ETNK1: variants seen among roughly 807,000 people sequenced by gnomAD.
ETNK1 encodes putative protein product of Nbla10396.
Under a neutral mutation model 45.1 loss-of-function variants are expected in ETNK1, and 8 were observed. That is an observed-to-expected ratio of 0.18 (90% CI 0.10 to 0.32). The LOEUF (loss-of-function observed/expected upper bound fraction) is 0.32, where lower values mean the gene tolerates loss of function less well. Ranked by LOEUF, ETNK1 falls within the 10% of genes least tolerant of loss-of-function variation. ETNK1 has a pLI of 1.00. For missense variants in ETNK1, 302 were observed against 430.6 expected, an observed-to-expected ratio of 0.70 and a Z score of 2.64; for synonymous variants, 152 against 151.9, an observed-to-expected ratio of 1.00 and a Z score of -0.01.
intron 2 of ETNK1, among the ~76,000 whole-genome samples, chr12:22,651,062 A>G (rs1247922736): frequency 6.6e-6 from 1 of 152,190 alleles, no homozygotes; most frequent in African/African-American, 2.4e-5. Flanking sequence ...GAAAGAGAAG[A>G]GCTCTCTGTG....
At chr12:22,655,413 T>A (rs1953928439) in intron 2 of ETNK1, among the ~76,000 whole-genome samples, 1 of 144,184 alleles carries the variant, frequency 6.9e-6, no homozygotes, top group Non-Finnish European at 1.5e-5. Context: ...ATCAGCTCAC[T>A]GCAACCTCCG....
At chr12:22,644,783 TGAAAG>T (rs1049662452) in intron 2 of ETNK1, among the ~76,000 whole-genome samples, 2 of 151,958 alleles carry the variant, frequency 1.3e-5, no homozygotes, top group African/African-American at 4.8e-5. Flanking sequence ...TATAACCTCT[TGAAAG>T]GTACACTGTA....
chr12:22,640,458 G>A (rs564983673), intron 1 of ETNK1, among the ~76,000 whole-genome samples: 48 of 148,252 alleles, frequency 3.2e-4, no homozygotes, highest in Admixed American at 4.1e-4. Flanking sequence ...TTAACATTTA[G>A]CTATTTGGAT....
At chr12:22,680,780 A>G (rs1219003987) in intron 6 of ETNK1, among the ~76,000 whole-genome samples, 1 of 152,168 alleles carries the variant, frequency 6.6e-6, no homozygotes, top group African/African-American at 2.4e-5. Flanking sequence ...AAAGATTATA[A>G]CATTTCACTT....
At chr12:22,650,181 G>GTTT (rs1953857187) in intron 2 of ETNK1, among the ~76,000 whole-genome samples, 2 of 150,178 alleles carry the variant, frequency 1.3e-5, no homozygotes, top group Non-Finnish European at 3.0e-5. Flanking sequence ...ATTCCGCGAG[G>GTTT]TTTTTTTGGT....
At position 22,685,028 on chromosome 12, in the gene ETNK1, A is replaced by G. The variant is rs1169515559; in HGVS notation, c.*74A>G. ...TTTCTTAAGAAATCCCAAAAAGCCA[A>G]TATTAGTTAAAATTCTGTTGTTTAA... On this transcript the variant is annotated 3_prime_UTR_variant, in exon 8 of 8. Transcript: ENST00000266517. 1 of 1,056,174 alleles carries G rather than the reference A, an allele frequency of 9.5e-7. No homozygotes were observed. Among genetic ancestry groups the G allele is most frequent in the Admixed American group, 2.5e-5 (1 of 40,004 alleles). 65.4% of individuals were successfully genotyped at this position (1,056,174 alleles called of 1,614,324 possible).
intron 2 of ETNK1, among the ~76,000 whole-genome samples, chr12:22,655,202 A>C (rs908934229): frequency 3.9e-5 from 6 of 152,206 alleles, no homozygotes; most frequent in Middle Eastern, 3.4e-3. Flanking sequence ...TCCTTACCTC[A>C]GGTGATTCAT....
At chr12:22,633,094 C>T (rs1390575027) in intron 1 of ETNK1, among the ~76,000 whole-genome samples, 1 of 152,090 alleles carries the variant, frequency 6.6e-6, no homozygotes, top group African/African-American at 2.4e-5. Flanking sequence ...AAGTGGATAC[C>T]TAGAAGTAGA....
rs368818489 is a variant in ETNK1, at chr12:22,684,589, T to C, written c.1019+33T>C. The C allele has an allele frequency of 1.3e-5, 18 of 1,346,552 alleles. No individual in the cohort carries two copies. In the African/African-American group the frequency reaches 2.6e-4, roughly 20 times the overall value. The allele number at this position is 1,346,552 out of a possible 1,614,324, so 83.4% of individuals were successfully genotyped here. A position where few individuals can be genotyped will look rare whatever the true frequency, so the allele number is the denominator to read the frequency against. ...AAATTTTATTATATGATTACATTGG[T>C]CTCTGCTTTTGTTTGGATTAACATT... On this transcript the variant is annotated intron_variant, in intron 7 of 7. Coordinates refer to ENST00000266517, the MANE Select transcript of ETNK1 (RefSeq NM_018638.5).
rs368998143 is a variant in ETNK1, at chr12:22,653,616, G to A, written c.417-5398G>A. On this transcript the variant is annotated intron_variant, in intron 2 of 7. Coordinates refer to ENST00000266517, the MANE Select transcript of ETNK1 (RefSeq NM_018638.5). ...GTATTTATTTCTTTTCGATGCTATCGTAAATGGAATTGTTTTCTTAATTTC... is the reference window on the plus strand; with the variant it reads ...GTATTTATTTCTTTTCGATGCTATCATAAATGGAATTGTTTTCTTAATTTC... Among the ~76,000 whole-genome samples, 35 of 152,058 alleles carry A rather than the reference G, an allele frequency of 2.3e-4. 1 individual carries two copies. Among genetic ancestry groups the A allele is most frequent in the African/African-American group, 4.6e-4 (19 of 41,470 alleles).
chr12:22,645,840 A>G (rs1288212581), intron 2 of ETNK1, among the ~76,000 whole-genome samples: 6 of 151,844 alleles, frequency 4.0e-5, no homozygotes, highest in Non-Finnish European at 7.4e-5. Flanking sequence ...GTTCATACCC[A>G]TTAACCAACT....
At position 22,655,914 on chromosome 12, in the gene ETNK1, C is replaced by T. The variant is rs914772538; in HGVS notation, c.417-3100C>T. Among the ~76,000 whole-genome samples, 16 of 152,134 alleles carry T rather than the reference C, an allele frequency of 1.1e-4. No individual in the cohort carries two copies. The East Asian group carries it at 1.2e-3, about 11-fold the overall frequency. ...TGAAAACCCAACTAATTTTGTGCAG[C>T]GTTATAGGGGTGTTCTATAGTGATA... On this transcript the variant is annotated intron_variant, in intron 2 of 7. Transcript: ENST00000266517.
At chr12:22,666,330 G>A (rs1460561604) in intron 4 of ETNK1, among the ~76,000 whole-genome samples, 1 of 152,084 alleles carries the variant, frequency 6.6e-6, no homozygotes, top group Non-Finnish European at 1.5e-5. Flanking sequence ...GAAACCAAAA[G>A]CAGCAGTTCT....
intron 2 of ETNK1, among the ~76,000 whole-genome samples, chr12:22,649,403 G>A (rs1953846232): frequency 6.6e-6 from 1 of 152,028 alleles, no homozygotes; most frequent in Non-Finnish European, 1.5e-5. Context: ...AAGAGTGTAA[G>A]GTCTATGTCT....
At chr12:22,629,216 A>G (rs1953543635) in intron 1 of ETNK1, among the ~76,000 whole-genome samples, 1 of 152,160 alleles carries the variant, frequency 6.6e-6, no homozygotes, top group South Asian at 2.1e-4. Flanking sequence ...TGGGGAAGAC[A>G]AATAAGAAAA....
intron 2 of ETNK1, among the ~76,000 whole-genome samples, chr12:22,648,299 A>G (rs544143697): frequency 6.6e-6 from 1 of 152,106 alleles, no homozygotes; most frequent in East Asian, 1.9e-4. Flanking sequence ...TATATAATGC[A>G]TGTATCCACT....
At chr12:22,682,835 G>A (rs1054307756) in intron 6 of ETNK1, among the ~76,000 whole-genome samples, 1 of 152,144 alleles carries the variant, frequency 6.6e-6, no homozygotes, top group Non-Finnish European at 1.5e-5. Context: ...AATTATGAAA[G>A]TAATTTTGGG....
chr12:22,664,330 A>G lies in ETNK1; in HGVS notation c.700+3125A>G, dbSNP rs149675034. 7.9e-5 allele frequency among the ~76,000 whole-genome samples: 12 copies of G among 152,174 alleles called. No individual in the cohort carries two copies. In the East Asian group the frequency reaches 2.3e-3, roughly 29 times the overall value. ...ATCTAACTAGTAGATATAGGACTTA[A>G]TTAACAGATATGACATGACGATTCA... On this transcript the variant is annotated intron_variant, in intron 4 of 7. Coordinates refer to ENST00000266517, the MANE Select transcript of ETNK1 (RefSeq NM_018638.5).
At chr12:22,646,235 A>G (rs960348897) in intron 2 of ETNK1, among the ~76,000 whole-genome samples, 4 of 151,904 alleles carry the variant, frequency 2.6e-5, no homozygotes, top group African/African-American at 9.7e-5. Context: ...AACAGAAAAT[A>G]TGAAAAGAAA....
Sources: gnomAD v4.1 joint callset for allele counts (sites outside exome capture counted in the v4.1 genomes callset) on GRCh38, gnomAD v4.1.1 for gene constraint, MANE v1.5 for transcripts, NCBI Gene and HGNC (gene_info 2026-07-23, HGNC 2026-07-21) for gene names.